The following SYTL1 variants were observed in gnomAD, a reference collection of about 807,000 sequenced individuals.
SYTL1 encodes synaptotagmin like 1.
SYTL1 carries 53 observed loss-of-function variants against 74.6 expected under a neutral mutation model. The observed-to-expected ratio is 0.71, with a 90% CI of 0.57 to 0.89. The LOEUF is 0.89. SYTL1 is among the 40% of genes least tolerant of loss of function. The probability of loss-of-function intolerance (pLI) is 0.00; values close to 1 mark genes in which losing one functional copy is unlikely to be tolerated. For synonymous variants in SYTL1, 329 were observed against 324.9 expected, an observed-to-expected ratio of 1.01 and a Z score of -0.14; for missense variants, 728 against 768.7, an observed-to-expected ratio of 0.95 and a Z score of 0.63.
Position 27,350,853 on chromosome 1 carries a change from C to T in SYTL1, c.1065C>T (p.Arg355=). ...TGCTGAGCCTGTCTGTGTGGCACCG[C>T]GAAAGCCTGGGTCGCAACATCTTTC... ...GRVLSLSVWH[R]ESLGRNIFLG... is the part of the protein sequence containing the mutation. Residue 355 remains arginine, a synonymous_variant, in exon 11 of 15, where the codon CGC becomes CGT. Coordinates refer to ENST00000616558, the MANE Select transcript of SYTL1 (RefSeq NM_001193308.2). The surrounding 1 kb of genome is among the most constrained non-coding windows in gnomAD (Gnocchi z 6.3). 2.5e-6 allele frequency: 4 copies of T among 1,613,862 alleles called. No homozygotes were observed. Among genetic ancestry groups the T allele is most frequent in the Non-Finnish European group, 2.5e-6 (3 of 1,180,016 alleles).
In SYTL1 at chr1:27,351,183, C is replaced by T. The variant is rs1450932199; in HGVS notation, c.1165-75C>T. 2.7e-6 allele frequency: 4 copies of T among 1,490,382 alleles called. No homozygotes were observed. The highest frequency in any genetic ancestry group is 3.6e-6 in the Non-Finnish European group (4 of 1,098,264). 92.3% of individuals were successfully genotyped at this position (1,490,382 alleles called of 1,614,324 possible). ...GCCGTCTCTTCTAGCCGCACCCCATCCGGGTCTGCAGACCCCACCCTCCTG... is the reference window on the plus strand; with the variant it reads ...GCCGTCTCTTCTAGCCGCACCCCATTCGGGTCTGCAGACCCCACCCTCCTG... On this transcript the variant is annotated intron_variant, in intron 11 of 14. Transcript: ENST00000616558. This position sits in a 1 kb window ranked among gnomAD's most constrained non-coding sequence, Gnocchi z 5.0.
At chr1:27,344,566 G>A (rs945792411) in intron 1 of SYTL1, among the ~76,000 whole-genome samples, 1 of 148,272 alleles carries the variant, frequency 6.7e-6, no homozygotes, top group Non-Finnish European at 1.5e-5. Flanking sequence ...AAGAACATGT[G>A]TAGGGCCGGG....
chr1:27,349,904 C>T, intron 8 of SYTL1, 68 bp from the exon 9 acceptor site: 1 of 1,543,898 alleles, frequency 6.5e-7, no homozygotes, highest in South Asian at 1.2e-5. Flanking sequence ...TCTGAAGCCT[C>T]CGCGCTGCCC....
chr1:27,346,767 A>T (rs188264013), intron 2 of SYTL1, among the ~76,000 whole-genome samples: 9 of 151,654 alleles, frequency 5.9e-5, no homozygotes, highest in East Asian at 5.9e-4. Flanking sequence ...TCTCAAAAAA[A>T]AATAATAAAA....
chr1:27,346,654 T>G (rs965532797), intron 2 of SYTL1, among the ~76,000 whole-genome samples: 1 of 151,074 alleles, frequency 6.6e-6, no homozygotes, highest in Non-Finnish European at 1.5e-5. Flanking sequence ...CCCAGCTATT[T>G]AGGCAGCTGA....
rs1178194302 is a variant in SYTL1, at chr1:27,353,741, G to A, written c.1578G>A (p.Trp526Ter). Residue 526 changes from tryptophan (W) to a stop codon, truncating the protein, a stop_gained, in exon 15 of 15, where the codon TGG (tryptophan) becomes TGA (stop). Coordinates refer to ENST00000616558, the MANE Select transcript of SYTL1 (RefSeq NM_001193308.2). LOFTEE classifies it high-confidence loss of function. The part of the protein sequence containing the change: ...TGSSYGLQVP[W>*]MDSTPEEKQL... Reference sequence around the variant, plus strand: ...GCAGCTATGGGCTGCAGGTGCCCTGGATGGATTCCACACCTGAGGAGAAGC... The same window carrying A: ...GCAGCTATGGGCTGCAGGTGCCCTGAATGGATTCCACACCTGAGGAGAAGC... 1 of 1,614,012 alleles carries A rather than the reference G, an allele frequency of 6.2e-7. No homozygotes were observed. The highest frequency in any genetic ancestry group is 8.5e-7 in the Non-Finnish European group (1 of 1,179,982).
Position 27,350,864 on chromosome 1 carries a change from G to T in SYTL1, c.1076G>T (p.Gly359Val), listed in dbSNP as rs895195414. The change falls in exon 11 of 15, where the codon GGT (glycine) becomes GTT (valine). Residue 359 changes from glycine to valine, a missense_variant. Physicochemically the swap from Gly to Val is moderately radical, Grantham distance 109. Transcript: ENST00000616558. This position sits in a 1 kb window ranked among gnomAD's most constrained non-coding sequence, Gnocchi z 6.3. ...TCTGTGTGGCACCGCGAAAGCCTGG[G>T]TCGCAACATCTTTCTGGGCGAAGTT... is the stretch of plus-strand genomic sequence containing the variant. ...SLSVWHRESLGRNIFLGEVEV... is the reference protein window; with the variant it reads ...SLSVWHRESLVRNIFLGEVEV... The T allele has an allele frequency of 6.2e-7, 1 of 1,613,870 alleles. No homozygotes were observed. Among genetic ancestry groups the T allele is most frequent in the Admixed American group, 1.7e-5 (1 of 60,022 alleles).
chr1:27,349,123 AT>A lies in SYTL1; in HGVS notation c.504del (p.Pro169LeufsTer82). ...PSPSVPLKAS[D>X]PEEASQAQED... is the part of the protein sequence containing the mutation. ...CCTTCTGTCCCCCTAAAGGCTTCAGATCCTGAGGAGGCGTCCCAGGCCCAGG... is the reference window on the plus strand; with the variant it reads ...CCTTCTGTCCCCCTAAAGGCTTCAGACCTGAGGAGGCGTCCCAGGCCCAGG... On this transcript the variant is annotated frameshift_variant, in exon 6 of 15. Transcript: ENST00000616558. LOFTEE classifies it high-confidence loss of function. 6.2e-7 allele frequency: 1 copy of A among 1,613,976 alleles called. No homozygotes were observed. The highest frequency in any genetic ancestry group is 8.5e-7 in the Non-Finnish European group (1 of 1,179,926).
chr1:27,349,810 G>A (rs772244044), intron 8 of SYTL1, 45 bp downstream of exon 8: 2 of 1,552,702 alleles, frequency 1.3e-6, no homozygotes, highest in Non-Finnish European at 8.6e-7. Flanking sequence ...GGGTGGACCC[G>A]TTCCGATGCG....
In SYTL1 at chr1:27,345,475, C is replaced by A; in HGVS notation, c.141C>A (p.Gly47=). 1.3e-6 allele frequency: 2 copies of A among 1,560,036 alleles called. No individual in the cohort carries two copies. Among genetic ancestry groups the A allele is most frequent in the African/African-American group, 1.4e-5 (1 of 74,020 alleles). The stretch of plus-strand genomic sequence containing the variant: ...AGGAGGAGCAGGAGGCCATTGCTGG[C>A]GTCCTCCAACGAGATGCCCGCCTGC... ...LTEEEQEAIA[G]VLQRDARLRQ... is the part of the protein sequence containing the mutation. Residue 47 remains glycine, a synonymous_variant, in exon 2 of 15, where the codon GGC becomes GGA. Transcript: ENST00000616558. This position sits in a 1 kb window ranked among gnomAD's most constrained non-coding sequence, Gnocchi z 6.0.
chr1:27,348,918 C>G lies in SYTL1; in HGVS notation c.460-162C>G, dbSNP rs1332352588. Among the ~76,000 whole-genome samples, 1 of 152,162 alleles carries G rather than the reference C, an allele frequency of 6.6e-6. No individual in the cohort carries two copies. The highest frequency in any genetic ancestry group is 2.4e-5 in the African/African-American group (1 of 41,434). On this transcript the variant is annotated intron_variant, in intron 5 of 14. Coordinates refer to ENST00000616558, the MANE Select transcript of SYTL1 (RefSeq NM_001193308.2). This position sits in a 1 kb window ranked among gnomAD's most constrained non-coding sequence, Gnocchi z 4.1. ...GCGGGGTGGGCTGTGAAGCACTGGT[C>G]TCACCGCTCCTGCAGCTGGCTGCCA...
At position 27,347,932 on chromosome 1, in the gene SYTL1, C is replaced by G; in HGVS notation, c.414-35C>G. ...GATGGTGCCCACCAGTCACCAGGGT[C>G]CCTCCCTCTGAGAGCGTCCTCTCCC... On this transcript the variant is annotated intron_variant, in intron 4 of 14. Coordinates refer to ENST00000616558, the MANE Select transcript of SYTL1 (RefSeq NM_001193308.2). This position sits in a 1 kb window ranked among gnomAD's most constrained non-coding sequence, Gnocchi z 4.9. The G allele has an allele frequency of 1.2e-6, 2 of 1,613,996 alleles. No individual in the cohort carries two copies. The highest frequency in any genetic ancestry group is 1.7e-6 in the Non-Finnish European group (2 of 1,179,870).
At position 27,350,591 on chromosome 1, in the gene SYTL1, G is replaced by A; in HGVS notation, c.1005+106G>A. ...AGTAACGTCATTGCCCGGAGGATCG[G>A]CGGAGGGGGCCCATTAACTCGTTAT... On this transcript the variant is annotated intron_variant, in intron 10 of 14. Transcript: ENST00000616558. This position sits in a 1 kb window ranked among gnomAD's most constrained non-coding sequence, Gnocchi z 6.3. 3 of 1,121,220 alleles carry A rather than the reference G, an allele frequency of 2.7e-6. No individual in the cohort carries two copies. Among genetic ancestry groups the A allele is most frequent in the Non-Finnish European group, 3.9e-6 (3 of 774,486 alleles). 69.5% of individuals were successfully genotyped at this position (1,121,220 alleles called of 1,614,324 possible). A position where few individuals can be genotyped will look rare whatever the true frequency, so the allele number is the denominator to read the frequency against.
At position 27,347,282 on chromosome 1, in the gene SYTL1, C is replaced by A; in HGVS notation, c.192-139C>A. 9.3e-7 allele frequency: 1 copy of A among 1,077,102 alleles called. No individual in the cohort carries two copies. Among genetic ancestry groups the A allele is most frequent in the Non-Finnish European group, 1.4e-6 (1 of 739,170 alleles). The allele number at this position is 1,077,102 out of a possible 1,614,324, so 66.7% of individuals were successfully genotyped here. A position where few individuals can be genotyped will look rare whatever the true frequency, so the allele number is the denominator to read the frequency against. The stretch of plus-strand genomic sequence containing the variant: ...CTTCTGGACTTGGTCTCCCCAGCAG[C>A]CCGAGCTCCTCCACAGCACAGATCA... On this transcript the variant is annotated intron_variant, in intron 2 of 14. Coordinates refer to ENST00000616558, the MANE Select transcript of SYTL1 (RefSeq NM_001193308.2). This position sits in a 1 kb window ranked among gnomAD's most constrained non-coding sequence, Gnocchi z 4.9.
Position 27,345,329 on chromosome 1 carries a change from C to T in SYTL1, c.-6C>T, listed in dbSNP as rs2014949810. The T allele has an allele frequency of 6.7e-7, 1 of 1,500,492 alleles. No homozygotes were observed. The highest frequency in any genetic ancestry group is 8.9e-7 in the Non-Finnish European group (1 of 1,124,902). 92.9% of individuals were successfully genotyped at this position (1,500,492 alleles called of 1,614,324 possible). A position where few individuals can be genotyped will look rare whatever the true frequency, so the allele number is the denominator to read the frequency against. On this transcript the variant is annotated 5_prime_UTR_variant, in exon 2 of 15. Transcript: ENST00000616558. This position sits in a 1 kb window ranked among gnomAD's most constrained non-coding sequence, Gnocchi z 6.0. The stretch of plus-strand genomic sequence containing the variant: ...CGTGTGCCCAGCTGGGGCACAGCCC[C>T]AGCTGATGCCCCAGAGGGGCCACCC...
At position 27,347,794 on chromosome 1, in the gene SYTL1, T is replaced by C. The variant is rs1207010037; in HGVS notation, c.341-14T>C. 1 of 1,609,756 alleles carries C rather than the reference T, an allele frequency of 6.2e-7. No homozygotes were observed. Among genetic ancestry groups the C allele is most frequent in the African/African-American group, 1.3e-5 (1 of 74,778 alleles). On this transcript the variant is annotated splice_polypyrimidine_tract_variant and intron_variant, in intron 3 of 14. Transcript: ENST00000616558. The surrounding 1 kb of genome is among the most constrained non-coding windows in gnomAD (Gnocchi z 4.9). ...TGAGCATGGGGGCTCACAGAACTTCTCACCTGCGCCCAGGAGACCAGGCTC... is the reference window on the plus strand; with the variant it reads ...TGAGCATGGGGGCTCACAGAACTTCCCACCTGCGCCCAGGAGACCAGGCTC...
Position 27,343,078 on chromosome 1 carries a change from C to G in SYTL1, c.-39+928C>G, listed in dbSNP as rs937416296. The G allele has an allele frequency of 5.9e-5, 9 of 152,378 alleles. No homozygotes were observed. Among genetic ancestry groups the G allele is most frequent in the Admixed American group, 4.6e-4 (7 of 15,280 alleles). 9.4% of individuals were successfully genotyped at this position (152,378 alleles called of 1,614,324 possible). On this transcript the variant is annotated intron_variant, in intron 1 of 14. Transcript: ENST00000616558. The surrounding 1 kb of genome is among the most constrained non-coding windows in gnomAD (Gnocchi z 5.2). The stretch of plus-strand genomic sequence containing the variant: ...GACAGAGCATAGCAGGCGGCGGACA[C>G]AAGCCAGGACCTGCCCGCCAAGCTG...
chr1:27,345,605 C>A lies in SYTL1; in HGVS notation c.191+80C>A. On this transcript the variant is annotated intron_variant, in intron 2 of 14. Coordinates refer to ENST00000616558, the MANE Select transcript of SYTL1 (RefSeq NM_001193308.2). This position sits in a 1 kb window ranked among gnomAD's most constrained non-coding sequence, Gnocchi z 6.0. ...TCCTGCTCCCTACCGACACCACTGC[C>A]TGTCAGATGTCTGCGTGGTTCTTGG... 1.0e-6 allele frequency: 1 copy of A among 973,392 alleles called. No individual in the cohort carries two copies. The highest frequency in any genetic ancestry group is 1.5e-6 in the Non-Finnish European group (1 of 668,352). 60.3% of individuals were successfully genotyped at this position (973,392 alleles called of 1,614,324 possible).
Position 27,348,055 on chromosome 1 carries a change from G to A in SYTL1, c.459+43G>A, listed in dbSNP as rs993530454. 6.2e-7 allele frequency: 1 copy of A among 1,602,370 alleles called. No homozygotes were observed. The highest frequency in any genetic ancestry group is 8.6e-7 in the Non-Finnish European group (1 of 1,169,476). The stretch of plus-strand genomic sequence containing the variant: ...CATGTGAGTACAGTGTCCCTGGAGG[G>A]GAGGTGGAATGTGCAGGGGGCAGGG... On this transcript the variant is annotated intron_variant, in intron 5 of 14. Transcript: ENST00000616558. The surrounding 1 kb of genome is among the most constrained non-coding windows in gnomAD (Gnocchi z 4.1).
Sources: gnomAD v4.1 joint callset for allele counts (sites outside exome capture counted in the v4.1 genomes callset) on GRCh38, gnomAD v4.1.1 for gene constraint, Gnocchi (gnomAD v3.1) non-coding constraint, MANE v1.5 for transcripts, NCBI Gene and HGNC (gene_info 2026-07-23, HGNC 2026-07-21) for gene names.